Variants in SPON1 observed in about 807,000 individuals in gnomAD.
SPON1 encodes spondin-1.
Under a neutral mutation model 111.7 loss-of-function variants are expected in SPON1, and 52 were observed. The observed-to-expected ratio is 0.47, with a 90% CI of 0.37 to 0.59. SPON1 has a LOEUF of 0.59. SPON1 is among the 20% of genes least tolerant of loss of function. SPON1 has a pLI of 0.00. For missense variants in SPON1, 957 were observed against 1,068.5 expected, an observed-to-expected ratio of 0.90 and a Z score of 1.46; for synonymous variants, 410 against 395.8, an observed-to-expected ratio of 1.04 and a Z score of -0.43.
intron 2 of SPON1, among the ~76,000 whole-genome samples, chr11:14,005,019 G>C (rs1848348130): frequency 6.6e-6 from 1 of 152,066 alleles, no homozygotes; most frequent in South Asian, 2.1e-4. Context: ...GTGTTGCCCA[G>C]GCTATGCCTT....
chr11:13,987,101 ATGGTATT>A (rs554954605), intron 2 of SPON1, among the ~76,000 whole-genome samples: 12 of 152,348 alleles, frequency 7.9e-5, no homozygotes, highest in African/African-American at 2.6e-4. Flanking sequence ...GCTGGGTCAA[ATGGTATT>A]TCTAGATCTA....
At chr11:14,160,443 TTA>T (rs1476975665) in intron 6 of SPON1, among the ~76,000 whole-genome samples, 3 of 16,720 alleles carry the variant, frequency 1.8e-4, no homozygotes, top group African/African-American at 1.0e-3. Context: ...ATATATATAT[TTA>T]TATATATATT....
intron 6 of SPON1, among the ~76,000 whole-genome samples, chr11:14,160,826 TA>T (rs1401189265): frequency 2.1e-5 from 1 of 47,896 alleles, no homozygotes; most frequent in African/African-American, 8.3e-5. Context: ...ATATATATTT[TA>T]TATATATTTA....
chr11:14,162,855 C>T (rs888383453), intron 6 of SPON1, among the ~76,000 whole-genome samples: 3 of 152,164 alleles, frequency 2.0e-5, no homozygotes, highest in Non-Finnish European at 2.9e-5. Flanking sequence ...CTGAATCATC[C>T]GGATGCCCTA....
At chr11:14,000,752 C>T (rs913277712) in intron 2 of SPON1, among the ~76,000 whole-genome samples, 15 of 152,072 alleles carry the variant, frequency 9.9e-5, no homozygotes, top group African/African-American at 3.4e-4. Context: ...ACCCCCTGGC[C>T]CCTCCAAAAC....
At chr11:14,126,091 AG>A (rs1847456648) in intron 5 of SPON1, among the ~76,000 whole-genome samples, 1 of 152,232 alleles carries the variant, frequency 6.6e-6, no homozygotes, top group Non-Finnish European at 1.5e-5. Flanking sequence ...TGTTCTATTC[AG>A]GTCTTCAGCT....
Position 14,254,700 on chromosome 11 carries a change from G to T in SPON1, c.1063G>T (p.Ala355Ser). The T allele has an allele frequency of 6.2e-7, 1 of 1,613,942 alleles. No homozygotes were observed. The highest frequency in any genetic ancestry group is 8.5e-7 in the Non-Finnish European group (1 of 1,179,896). The change falls in exon 8 of 16, where the codon GCT becomes TCT. Residue 355 changes from alanine (A) to serine (S), a missense_variant. By Grantham distance (99) the Ala-to-Ser change is moderately conservative (BLOSUM62 1). Around this residue, in one of 5 missense-constraint regions of SPON1, gnomAD observed 19 missense variants for 47.5 expected, o/e 0.40. Coordinates refer to ENST00000576479, the MANE Select transcript of SPON1 (RefSeq NM_006108.4). ...KVVQDLIPWD[A>S]GTDSGVTYES... ...GGTGCAAGACCTGATTCCCTGGGAC[G>T]CTGGCACCGACAGCGGGGTGACCTA...
In SPON1 at chr11:14,127,923, G is replaced by T. The variant is rs115235812; in HGVS notation, c.677-7497G>T. 7.8e-3 allele frequency among the ~76,000 whole-genome samples: 1,193 copies of T among 152,232 alleles called. 26 individuals are homozygous for T. The highest frequency in any genetic ancestry group is 0.028 in the African/African-American group (1,144 of 41,524). ...AGAGAGCAAGAGTAAAGGGGAAACT[G>T]CCACACACTTTTAAGCTATCATATA... On this transcript the variant is annotated intron_variant, in intron 5 of 15. Coordinates refer to ENST00000576479, the MANE Select transcript of SPON1 (RefSeq NM_006108.4).
chr11:14,116,256 CT>C (rs1313831475), intron 5 of SPON1, among the ~76,000 whole-genome samples: 21 of 151,870 alleles, frequency 1.4e-4, no homozygotes, highest in African/African-American at 4.6e-4. Flanking sequence ...TCCACATTAT[CT>C]TTTTTTTGTT....
At chr11:14,050,257 G>A (rs1219247950) in intron 3 of SPON1, among the ~76,000 whole-genome samples, 1 of 152,148 alleles carries the variant, frequency 6.6e-6, no homozygotes, top group Non-Finnish European at 1.5e-5. Flanking sequence ...TCCCCACACA[G>A]GACTCTGAGC....
rs781905096 is a variant in SPON1 at position 14,134,197 on chromosome 11, A to G, written c.677-1223A>G. Among the ~76,000 whole-genome samples the G allele has an allele frequency of 4.3e-4, 65 of 152,284 alleles. 1 individual carries two copies. Among genetic ancestry groups the G allele is most frequent in the Middle Eastern group, 3.4e-3 (1 of 294 alleles). On this transcript the variant is annotated intron_variant, in intron 5 of 15. Coordinates refer to ENST00000576479, the MANE Select transcript of SPON1 (RefSeq NM_006108.4). ...CCTCTTTGATATGCCTGAAAATGTT[A>G]TTTAACTTGAGACTTTGTTTAACCA... is the stretch of plus-strand genomic sequence containing the variant.
At chr11:14,190,648 T>G (rs1260518093) in intron 6 of SPON1, among the ~76,000 whole-genome samples, 1 of 149,936 alleles carries the variant, frequency 6.7e-6, no homozygotes, top group Non-Finnish European at 1.5e-5. Flanking sequence ...CTTTTTCTTT[T>G]TTTTTTTTTT....
At chr11:13,990,709 C>A (rs1554911056) in intron 2 of SPON1, among the ~76,000 whole-genome samples, 3 of 151,978 alleles carry the variant, frequency 2.0e-5, no homozygotes, top group East Asian at 3.9e-4. Flanking sequence ...GTGGCTGATA[C>A]CAGTTGTTCC....
At chr11:14,220,514 T>C (rs1364321668) in intron 6 of SPON1, among the ~76,000 whole-genome samples, 2 of 152,238 alleles carry the variant, frequency 1.3e-5, no homozygotes, top group African/African-American at 4.8e-5. Flanking sequence ...AATTTTCTAA[T>C]TTTTGTTCAT....
chr11:14,114,296 A>G (rs1271844720), intron 5 of SPON1, among the ~76,000 whole-genome samples: 1 of 152,182 alleles, frequency 6.6e-6, no homozygotes, highest in Admixed American at 6.5e-5. Flanking sequence ...TACTTTAAAA[A>G]ATATTGGAGG....
chr11:14,174,573 G>A (rs376357293), intron 6 of SPON1, among the ~76,000 whole-genome samples: 1 of 151,488 alleles, frequency 6.6e-6, no homozygotes, highest in African/African-American at 2.4e-5. Context: ...TGGGGCCTGT[G>A]GCACCTCCTC....
intron 5 of SPON1, among the ~76,000 whole-genome samples, chr11:14,115,112 G>A (rs1001595089): frequency 2.6e-5 from 4 of 152,202 alleles, no homozygotes; most frequent in Admixed American, 6.5e-5. Flanking sequence ...GATCATCACT[G>A]TCATTTCCCT....
At chr11:14,128,099 T>C (rs113961917) in intron 5 of SPON1, among the ~76,000 whole-genome samples, 3,703 of 152,250 alleles carry the variant, frequency 0.024, 155 homozygotes, top group African/African-American at 0.084. Context: ...TCATTCTGTC[T>C]CTGGACCCTC....
At position 14,057,838 on chromosome 11, in the gene SPON1, A is replaced by AAAAC. The variant is rs1564895391; in HGVS notation, c.479+16187_479+16188insCAAA. Among the ~76,000 whole-genome samples the AAAAC allele has an allele frequency of 8.9e-4, 105 of 117,824 alleles. 1 individual carries two copies. The East Asian group carries it at 0.013, about 14-fold the overall frequency. The allele number at this position is 117,824 out of a possible 152,430, so 77.3% of individuals were successfully genotyped here. A position where few individuals can be genotyped will look rare whatever the true frequency, so the allele number is the denominator to read the frequency against. On this transcript the variant is annotated intron_variant, in intron 3 of 15. Coordinates refer to ENST00000576479, the MANE Select transcript of SPON1 (RefSeq NM_006108.4). ...AGTGAGACCTTGTCTCTACAAAAAA[A>AAAAC]AAAAACAAAACAAAAACTTAAAAAT... is the stretch of plus-strand genomic sequence containing the variant.
Sources: gnomAD v4.1 joint callset for allele counts (sites outside exome capture counted in the v4.1 genomes callset) on GRCh38, gnomAD v4.1.1 for gene constraint, gnomAD v4.1.1 regional missense constraint, MANE v1.5 for transcripts, NCBI Gene and HGNC (gene_info 2026-07-23, HGNC 2026-07-21) for gene names.